The following CRTC1 variants were observed in gnomAD, a reference collection of about 807,000 sequenced individuals.
CRTC1 encodes the protein CREB-regulated transcription coactivator 1.
Under a neutral mutation model 66.1 loss-of-function variants are expected in CRTC1, and 18 were observed. That is an observed-to-expected ratio of 0.27 (90% CI 0.19 to 0.40). CRTC1 has a LOEUF of 0.40. CRTC1 is among the 10% of genes least tolerant of loss of function. The pLI, the probability that CRTC1 is intolerant of heterozygous loss-of-function variation, is 1.00. For synonymous variants in CRTC1, 416 were observed against 398.8 expected, an observed-to-expected ratio of 1.04 and a Z score of -0.51; for missense variants, 669 against 887.9, an observed-to-expected ratio of 0.75 and a Z score of 3.13.
intron 11 of CRTC1, among the ~76,000 whole-genome samples, chr19:18,772,421 C>T (rs944375536): frequency 6.6e-6 from 1 of 152,194 alleles, no homozygotes; most frequent in Admixed American, 6.5e-5. Context: ...TATCCTGGGA[C>T]CATCTCATCC....
chr19:18,775,623 G>T lies in CRTC1; in HGVS notation c.1513-18G>T, dbSNP rs749727144. ...GGCCCGCGGTGGCCCTCACAGCCTGGTGTGCCTCCCTTCCCAGCTGGAGCA... is the reference window on the plus strand; with the variant it reads ...GGCCCGCGGTGGCCCTCACAGCCTGTTGTGCCTCCCTTCCCAGCTGGAGCA... On this transcript the variant is annotated intron_variant, in intron 12 of 13. Transcript: ENST00000321949. 1 of 1,552,658 alleles carries T rather than the reference G, an allele frequency of 6.4e-7. No individual in the cohort carries two copies. The highest frequency in any genetic ancestry group is 1.2e-5 in the South Asian group (1 of 82,658).
chr19:18,745,454 C>T (rs1359881642), intron 2 of CRTC1, among the ~76,000 whole-genome samples: 6 of 152,160 alleles, frequency 3.9e-5, no homozygotes, highest in Non-Finnish European at 7.4e-5. Context: ...AGAGAGAGGG[C>T]GGAGGCCTGT....
chr19:18,748,888 T>G (rs939518777), intron 4 of CRTC1, among the ~76,000 whole-genome samples: 2 of 152,102 alleles, frequency 1.3e-5, no homozygotes, highest in Non-Finnish European at 2.9e-5. Context: ...ATTCATTAAC[T>G]TATATAAAAT....
At chr19:18,725,262 G>A (rs2145647202) in intron 1 of CRTC1, among the ~76,000 whole-genome samples, 1 of 152,268 alleles carries the variant, frequency 6.6e-6, no homozygotes, top group East Asian at 1.9e-4. Context: ...TGCACCTCCA[G>A]CCCCTTCTCT....
chr19:18,721,247 G>A (rs530580497), intron 1 of CRTC1, among the ~76,000 whole-genome samples: 10 of 151,692 alleles, frequency 6.6e-5, no homozygotes, highest in Non-Finnish European at 1.0e-4. Flanking sequence ...AGGCTGGAGG[G>A]CAGTGGCGCG....
chr19:18,746,575 CCGG>C (rs2054243594), intron 3 of CRTC1, among the ~76,000 whole-genome samples: 1 of 151,954 alleles, frequency 6.6e-6, no homozygotes, highest in East Asian at 1.9e-4. Flanking sequence ...CCGGGATCCC[CCGG>C]CTCTCCAGAA....
At chr19:18,746,077 TCAGGGCAGCAC>T in intron 3 of CRTC1, 117 bp downstream of exon 3, 3 of 1,372,930 alleles carry the variant, frequency 2.2e-6, no homozygotes, top group Non-Finnish European at 3.0e-6. Flanking sequence ...GGGGACAGAA[TCAGGGCAGCAC>T]CATCTGGGAG....
Position 18,725,572 on chromosome 19 carries a change from C to A in CRTC1, c.127-17338C>A, listed in dbSNP as rs148930817. Among the ~76,000 whole-genome samples the A allele has an allele frequency of 4.6e-3, 702 of 152,274 alleles. 4 individuals are homozygous for A. The highest frequency in any genetic ancestry group is 0.01 in the Middle Eastern group (3 of 294). ...CATCAGTGCCAGACCTGTGGCTATG[C>A]GTGCTCACAGGGGCACCAGGCTGCC... On this transcript the variant is annotated intron_variant, in intron 1 of 13. Transcript: ENST00000321949.
In CRTC1 at chr19:18,777,451, T is replaced by C; in HGVS notation, c.*69T>C. The C allele has an allele frequency of 7.1e-7, 1 of 1,400,988 alleles. No homozygotes were observed. Among genetic ancestry groups the C allele is most frequent in the Non-Finnish European group, 1.0e-6 (1 of 1,001,238 alleles). 86.8% of individuals were successfully genotyped at this position (1,400,988 alleles called of 1,614,324 possible). ...CTCCCCAGCCCGGGGACGGCCGTGCTCCGTCCCTCGCCAACGGCCGAGCTT... is the reference window on the plus strand; with the variant it reads ...CTCCCCAGCCCGGGGACGGCCGTGCCCCGTCCCTCGCCAACGGCCGAGCTT... On this transcript the variant is annotated 3_prime_UTR_variant, in exon 14 of 14. Transcript: ENST00000321949. This position sits in a 1 kb window ranked among gnomAD's most constrained non-coding sequence, Gnocchi z 5.5.
chr19:18,769,724 G>C lies in CRTC1; in HGVS notation c.1320+931G>C, dbSNP rs112163265. 9.0e-4 allele frequency among the ~76,000 whole-genome samples: 137 copies of C among 152,300 alleles called. 1 individual carries two copies. The South Asian group carries it at 0.013, about 14-fold the overall frequency. On this transcript the variant is annotated intron_variant, in intron 10 of 13. Coordinates refer to ENST00000321949, the MANE Select transcript of CRTC1 (RefSeq NM_015321.3). ...GAGCTGGGTGGTTCTTGGAGTCACA[G>C]GGTGTCTGGGCCAGGTGCAGGGACG...
Position 18,741,717 on chromosome 19 carries a change from A to G in CRTC1, c.127-1193A>G, listed in dbSNP as rs2054114925. 6.6e-6 allele frequency among the ~76,000 whole-genome samples: 1 copy of G among 151,914 alleles called. No homozygotes were observed. Among genetic ancestry groups the G allele is most frequent in the Non-Finnish European group, 1.5e-5 (1 of 67,960 alleles). ...GCTCCCAGCACAGACCCTGGGCCTC[A>G]CCCCCAGGCCCTCGAGAGCCACCCA... On this transcript the variant is annotated intron_variant, in intron 1 of 13. Coordinates refer to ENST00000321949, the MANE Select transcript of CRTC1 (RefSeq NM_015321.3). The surrounding 1 kb of genome is among the most constrained non-coding windows in gnomAD (Gnocchi z 4.2).
At chr19:18,738,754 C>T (rs772319587) in intron 1 of CRTC1, among the ~76,000 whole-genome samples, 6 of 152,190 alleles carry the variant, frequency 3.9e-5, no homozygotes, top group Non-Finnish European at 7.3e-5. Flanking sequence ...GAGCCGAGAT[C>T]GCGCCATTAC....
At chr19:18,763,665 A>G (rs981721320) in intron 8 of CRTC1, among the ~76,000 whole-genome samples, 42 of 152,254 alleles carry the variant, frequency 2.8e-4, no homozygotes, top group African/African-American at 1.0e-3. Context: ...CTCTTGAAGA[A>G]TCAGACAGCC....
chr19:18,728,847 C>G lies in CRTC1; in HGVS notation c.127-14063C>G, dbSNP rs557433438. ...TTTTTTTTTGAGACAGAGTCTTGCT[C>G]TGTCGCCCAGGCTGGAGTGCAGTAG... On this transcript the variant is annotated intron_variant, in intron 1 of 13. Coordinates refer to ENST00000321949, the MANE Select transcript of CRTC1 (RefSeq NM_015321.3). Among the ~76,000 whole-genome samples, 18 of 84,092 alleles carry G rather than the reference C, an allele frequency of 2.1e-4. No homozygotes were observed. In the East Asian group the frequency reaches 0.013, roughly 62 times the overall value. The allele number at this position is 84,092 out of a possible 152,430, so 55.2% of individuals were successfully genotyped here.
chr19:18,718,485 C>T (rs1222810994), intron 1 of CRTC1, among the ~76,000 whole-genome samples: 1 of 151,934 alleles, frequency 6.6e-6, no homozygotes, highest in East Asian at 1.9e-4. Context: ...TATTGGTGTG[C>T]ACCACCATGC....
intron 1 of CRTC1, among the ~76,000 whole-genome samples, chr19:18,719,119 T>A (rs113922020): frequency 0.11 from 16,120 of 151,614 alleles, 1,070 homozygotes; most frequent in East Asian, 0.26. Flanking sequence ...ATCATGGGAG[T>A]GATGAGGCAG....
In CRTC1 at chr19:18,768,296, G is replaced by A. The variant is rs546836309; in HGVS notation, c.1012-189G>A. On this transcript the variant is annotated intron_variant, in intron 9 of 13. Coordinates refer to ENST00000321949, the MANE Select transcript of CRTC1 (RefSeq NM_015321.3). The surrounding 1 kb of genome is among the most constrained non-coding windows in gnomAD (Gnocchi z 5.6). ...CTGCCCAGCTCCAGCTGACCCCCTT[G>A]GGGCCCTGCGTGAGGCCCACCCTCT... Among the ~76,000 whole-genome samples, 12 of 152,306 alleles carry A rather than the reference G, an allele frequency of 7.9e-5. No homozygotes were observed. The highest frequency in any genetic ancestry group is 2.6e-4 in the African/African-American group (11 of 41,564).
At chr19:18,726,512 A>G (rs1028863018) in intron 1 of CRTC1, among the ~76,000 whole-genome samples, 4 of 152,230 alleles carry the variant, frequency 2.6e-5, no homozygotes, top group African/African-American at 9.6e-5. Flanking sequence ...TCAAAAGTTC[A>G]TGTTCATCCA....
chr19:18,764,020 C>G (rs2054672894), intron 8 of CRTC1, among the ~76,000 whole-genome samples: 1 of 152,150 alleles, frequency 6.6e-6, no homozygotes, highest in Non-Finnish European at 1.5e-5. Context: ...GCCTGGGGAG[C>G]AGTCAACAGC....
Sources: gnomAD v4.1 joint callset for allele counts (sites outside exome capture counted in the v4.1 genomes callset) on GRCh38, gnomAD v4.1.1 for gene constraint, Gnocchi (gnomAD v3.1) non-coding constraint, MANE v1.5 for transcripts, NCBI Gene and HGNC (gene_info 2026-07-23, HGNC 2026-07-21) for gene names.